Variants in DAB1 observed in about 807,000 individuals in gnomAD.
DAB1 encodes DAB adaptor protein 1, also known as disabled homolog 1.
In DAB1, 15 loss-of-function variants were observed where a neutral mutation model predicts 64.6. The observed-to-expected ratio is 0.23, with a 90% CI of 0.16 to 0.36. DAB1 has a LOEUF of 0.36. Ranked by LOEUF, DAB1 falls within the 10% of genes least tolerant of loss-of-function variation. The pLI is 1.00. For synonymous variants in DAB1, 235 were observed against 251.9 expected (o/e 0.93, Z 0.64); for missense variants, 596 against 706.7 (o/e 0.84, Z 1.78).
intron 1 of DAB1, among the ~76,000 whole-genome samples, chr1:57,839,086 C>A (rs1243752807): frequency 2.6e-5 from 4 of 152,158 alleles, no homozygotes; most frequent in Admixed American, 6.6e-5. Flanking sequence ...CAGCCAAATT[C>A]TTTCTCTTAA....
chr1:58,524,122 C>T (rs1201184850), intron 2 of DAB1, among the ~76,000 whole-genome samples: 2 of 152,156 alleles, frequency 1.3e-5, no homozygotes, highest in African/African-American at 2.4e-5. Flanking sequence ...ACTCCATTTC[C>T]GCAAAACAGT....
chr1:58,529,258 C>T (rs955193919), intron 1 of DAB1, among the ~76,000 whole-genome samples: 1 of 152,096 alleles, frequency 6.6e-6, no homozygotes, highest in African/African-American at 2.4e-5. Flanking sequence ...TTAAACAGCA[C>T]CCAGATGGCA....
chr1:58,189,602 G>A (rs879786635), intron 4 of DAB1, among the ~76,000 whole-genome samples: 11 of 152,152 alleles, frequency 7.2e-5, no homozygotes, highest in Admixed American at 6.5e-4. Context: ...CCTGCCCACT[G>A]GTTGCAGGTC....
At chr1:57,826,594 A>G (rs1293060866) in intron 1 of DAB1, 1 of 152,384 alleles carries the variant, frequency 6.6e-6, no homozygotes, top group Non-Finnish European at 1.5e-5. Flanking sequence ...ACTGCCTCCC[A>G]GGGCTCCAAC....
At chr1:58,309,360 A>G (rs902632796) in intron 4 of DAB1, among the ~76,000 whole-genome samples, 10 of 152,146 alleles carry the variant, frequency 6.6e-5, no homozygotes, top group Admixed American at 5.2e-4. Flanking sequence ...ATTTTAATAG[A>G]GCAACTCTTC....
intron 5 of DAB1, among the ~76,000 whole-genome samples, chr1:58,044,697 G>A (rs7534671): frequency 0.04 from 6,045 of 152,130 alleles, 407 homozygotes; most frequent in African/African-American, 0.14. Context: ...GTTCTGACAC[G>A]TACTAACTCA....
chr1:58,334,244 G>A (rs928651751), intron 4 of DAB1, among the ~76,000 whole-genome samples: 2 of 152,060 alleles, frequency 1.3e-5, no homozygotes, highest in Admixed American at 1.3e-4. Context: ...CATGACAACA[G>A]CATGTCCTAA....
At chr1:57,615,473 A>ACTT in intron 7 of DAB1, among the ~76,000 whole-genome samples, 1 of 152,332 alleles carries the variant, frequency 6.6e-6, no homozygotes, top group Non-Finnish European at 1.5e-5. Flanking sequence ...ACAGAGTAGC[A>ACTT]CTGCCAAATC....
intron 5 of DAB1, among the ~76,000 whole-genome samples, chr1:58,094,626 A>G (rs1280848946): frequency 6.6e-6 from 1 of 152,250 alleles, no homozygotes; most frequent in African/African-American, 2.4e-5. Flanking sequence ...TGAATAAGGT[A>G]CTGTATATAA....
chr1:57,784,395 AAAAC>A (rs984980209), intron 6 of DAB1, among the ~76,000 whole-genome samples: 3 of 152,254 alleles, frequency 2.0e-5, no homozygotes, highest in East Asian at 1.9e-4. Context: ...CCAGTCTCAA[AAAAC>A]AAACAAACAA....
intron 4 of DAB1, among the ~76,000 whole-genome samples, chr1:58,191,916 T>C (rs570238102): frequency 1.6e-4 from 25 of 152,330 alleles, no homozygotes; most frequent in African/African-American, 5.8e-4. Context: ...TGTGACCACC[T>C]GCAATAAAAA....
intron 7 of DAB1, among the ~76,000 whole-genome samples, chr1:57,468,501 A>C (rs1687030185): frequency 1.3e-5 from 2 of 152,226 alleles, no homozygotes; most frequent in African/African-American, 4.8e-5. Context: ...GGGAAATAGA[A>C]AAGATCTGAT....
rs543576523 is a variant in DAB1, at chr1:58,489,469, T to C, written n.257+16591A>G. On this transcript the variant is annotated intron_variant and non_coding_transcript_variant, in intron 3 of 20. Coordinates refer to the DAB1 transcript ENST00000485760. ...GAAGCTCGAACTGGGTGGAGCCCAC[T>C]GCAGCTCAAGGAGGCCTGCCTGCCT... Among the ~76,000 whole-genome samples, 91 of 152,326 alleles carry C rather than the reference T, an allele frequency of 6.0e-4. No homozygotes were observed. The South Asian group carries it at 0.018, about 30-fold the overall frequency.
At chr1:58,433,206 G>C (rs1644898769) in intron 3 of DAB1, among the ~76,000 whole-genome samples, 1 of 152,166 alleles carries the variant, frequency 6.6e-6, no homozygotes, top group African/African-American at 2.4e-5. Flanking sequence ...CTTTACACAG[G>C]CAGTCTTAAC....
intron 4 of DAB1, among the ~76,000 whole-genome samples, chr1:58,211,464 G>A (rs1017714003): frequency 1.3e-5 from 2 of 152,142 alleles, no homozygotes; most frequent in Admixed American, 1.3e-4. Context: ...TTTGTGAGTT[G>A]TGCAATGATT....
In DAB1 at chr1:57,812,837, C is replaced by G. The variant is rs915294234; in HGVS notation, n.551+71162G>C. Among the ~76,000 whole-genome samples the G allele has an allele frequency of 3.9e-5, 6 of 152,194 alleles. No individual in the cohort carries two copies. In the East Asian group the frequency reaches 1.2e-3, roughly 29 times the overall value. The stretch of plus-strand genomic sequence containing the variant: ...AGGGAGGATTGACAGCTTTCACAAT[C>G]CCTATTTTACAGATGAAGAAACAGA... On this transcript the variant is annotated intron_variant and non_coding_transcript_variant, in intron 6 of 20. Coordinates refer to the DAB1 transcript ENST00000485760.
Position 57,999,369 on chromosome 1 carries a change from A to C in DAB1, n.388-115207T>G, listed in dbSNP as rs1340028853. On this transcript the variant is annotated intron_variant and non_coding_transcript_variant, in intron 5 of 20. Coordinates refer to the DAB1 transcript ENST00000485760. ...TAGGAATGCACATTCTCAGGTCCCCATTCCAAATCGATTGCCTCAAAATCT... is the reference window on the plus strand; with the variant it reads ...TAGGAATGCACATTCTCAGGTCCCCCTTCCAAATCGATTGCCTCAAAATCT... 2.6e-5 allele frequency among the ~76,000 whole-genome samples: 4 copies of C among 152,184 alleles called. No homozygotes were observed. The East Asian group carries it at 7.7e-4, about 29-fold the overall frequency.
chr1:57,988,389 T>C (rs1472908993), intron 5 of DAB1, among the ~76,000 whole-genome samples: 1 of 152,194 alleles, frequency 6.6e-6, no homozygotes, highest in African/African-American at 2.4e-5. Flanking sequence ...TTTCCTCACC[T>C]ATAAAATGGG....
chr1:57,786,255 C>G (rs1201582591), intron 6 of DAB1, among the ~76,000 whole-genome samples: 1 of 152,140 alleles, frequency 6.6e-6, no homozygotes, highest in Non-Finnish European at 1.5e-5. Context: ...TCATGACTCT[C>G]TTTACTGAGA....
Sources: allele counts gnomAD v4.1 joint callset (sites outside exome capture counted in the v4.1 genomes callset), GRCh38; gene constraint gnomAD v4.1.1; transcripts MANE v1.5; gene names NCBI Gene and HGNC (gene_info 2026-07-23, HGNC 2026-07-21).